SVEP1: variants seen among roughly 807,000 people sequenced by gnomAD.
SVEP1 encodes the protein sushi, von Willebrand factor type A, EGF and pentraxin domain-containing protein 1.
A neutral mutation model predicts 367.3 loss-of-function variants in SVEP1; 164 were observed. The observed-to-expected ratio is 0.45, with a 90% confidence interval of 0.39 to 0.51. SVEP1 has a LOEUF of 0.51. Ranked by LOEUF, SVEP1 falls within the 20% of genes least tolerant of loss-of-function variation. The pLI is 0.00. For synonymous variants in SVEP1, 1,666 were observed against 1,611.6 expected, an observed-to-expected ratio of 1.03 and a Z score of -0.81; for missense variants, 4,117 against 4,425.3, an observed-to-expected ratio of 0.93 and a Z score of 1.98.
Position 110,408,855 on chromosome 9 carries a change from G to A in SVEP1, c.6745C>T (p.Arg2249Cys). 1 of 1,613,576 alleles carries A rather than the reference G, an allele frequency of 6.2e-7. No individual in the cohort carries two copies. The highest frequency in any genetic ancestry group is 8.5e-7 in the Non-Finnish European group (1 of 1,179,868). ...GSPVFVCQAN[R>C]HWHSESPLMC... ...AGAGGGGATTCACTGTGCCAGTGGC[G>A]ATTGGCTTGGCAGACAAATACAGGA... Residue 2249 changes from arginine (R) to cysteine (C), a missense_variant, in exon 38 of 48, where the codon CGC becomes TGC. By Grantham distance (180) the Arg-to-Cys change is radical. Coordinates refer to ENST00000374469, the MANE Select transcript of SVEP1 (RefSeq NM_153366.4).
chr9:110,409,119 T>G (rs977304170), intron 37 of SVEP1, among the ~76,000 whole-genome samples, 168 bp from the exon 38 acceptor site: 1 of 152,228 alleles, frequency 6.6e-6, no homozygotes, highest in Non-Finnish European at 1.5e-5. Context: ...TCTATTTTTT[T>G]AAATAAGTGA....
chr9:110,551,145 A>T (rs1487563926), intron 1 of SVEP1, among the ~76,000 whole-genome samples: 2 of 152,250 alleles, frequency 1.3e-5, no homozygotes, highest in Non-Finnish European at 2.9e-5. Context: ...AGGCAGGAAG[A>T]GTGACAACTG....
chr9:110,432,734 T>C, intron 30 of SVEP1, 99 bp from the exon 31 acceptor site: 1 of 1,378,864 alleles, frequency 7.3e-7, no homozygotes, highest in Non-Finnish European at 9.8e-7. Flanking sequence ...GCATGACATT[T>C]TTACTGAATG....
At chr9:110,426,987 C>CA (rs1177088674) in intron 36 of SVEP1, among the ~76,000 whole-genome samples, 4 of 152,092 alleles carry the variant, frequency 2.6e-5, no homozygotes. Flanking sequence ...CACGAACGCT[C>CA]ACTTAAAGGT....
chr9:110,384,116 C>A (rs1827484769), intron 43 of SVEP1, among the ~76,000 whole-genome samples: 2 of 152,152 alleles, frequency 1.3e-5, no homozygotes, highest in Admixed American at 6.5e-5. Context: ...GAGTGGCCGC[C>A]AAGAATCTAC....
intron 1 of SVEP1, among the ~76,000 whole-genome samples, chr9:110,562,178 C>A: frequency 6.7e-6 from 1 of 148,700 alleles, no homozygotes; most frequent in South Asian, 2.2e-4. Context: ...CTAATAATGA[C>A]AAATTCCACC....
chr9:110,516,175 T>C (rs983696637), intron 3 of SVEP1, among the ~76,000 whole-genome samples: 1 of 149,206 alleles, frequency 6.7e-6, no homozygotes, highest in African/African-American at 2.4e-5. Context: ...CTAAATCATA[T>C]AATAAACTAA....
chr9:110,430,418 C>T lies in SVEP1; in HGVS notation c.5386G>A (p.Glu1796Lys), dbSNP rs776439453. 1 of 1,612,780 alleles carries T rather than the reference C, an allele frequency of 6.2e-7. No homozygotes were observed. Among genetic ancestry groups the T allele is most frequent in the East Asian group, 2.2e-5 (1 of 44,852 alleles). ...ATCTCACCTGAGGAGTGGCCATTTTCCGGATTTCCTGGAGCCTTACATTTT... is the reference window on the plus strand; with the variant it reads ...ATCTCACCTGAGGAGTGGCCATTTTTCGGATTTCCTGGAGCCTTACATTTT... ...PIKCKAPGNP[E>K]NGHSSGEIYT... Residue 1796 changes from glutamate (E) to lysine (K), a missense_variant, in exon 33 of 48, where the codon GAA becomes AAA. Physicochemically the swap from Glu to Lys is moderately conservative, Grantham distance 56 (BLOSUM62 1). Coordinates refer to ENST00000374469, the MANE Select transcript of SVEP1 (RefSeq NM_153366.4).
chr9:110,578,190 T>C (rs1830647163), intron 1 of SVEP1, among the ~76,000 whole-genome samples: 1 of 152,232 alleles, frequency 6.6e-6, no homozygotes, highest in Non-Finnish European at 1.5e-5. Context: ...CAATAAGTGA[T>C]TGTTGCACGC....
chr9:110,522,336 T>G (rs780639215), intron 3 of SVEP1, among the ~76,000 whole-genome samples: 8 of 152,148 alleles, frequency 5.3e-5, no homozygotes, highest in Non-Finnish European at 1.2e-4. Flanking sequence ...CAATTTAGAA[T>G]GGCATGATTG....
chr9:110,454,546 T>C (rs976929527), intron 22 of SVEP1, among the ~76,000 whole-genome samples: 1 of 152,164 alleles, frequency 6.6e-6, no homozygotes, highest in Non-Finnish European at 1.5e-5. Flanking sequence ...AGCAAAGACA[T>C]GGAATACACC....
Position 110,463,047 on chromosome 9 carries a change from CTTAA to C in SVEP1, c.3322+2814_3322+2817del, listed in dbSNP as rs1190012898. Among the ~76,000 whole-genome samples the C allele has an allele frequency of 1.2e-4, 18 of 152,044 alleles. No individual in the cohort carries two copies. The South Asian group carries it at 3.5e-3, about 30-fold the overall frequency. ...AATATCATAACATCATTTTGTACAC[CTTAA>C]TTATAGATCATTTTAAATAAATAAA... On this transcript the variant is annotated intron_variant, in intron 18 of 47. Coordinates refer to ENST00000374469, the MANE Select transcript of SVEP1 (RefSeq NM_153366.4).
intron 3 of SVEP1, among the ~76,000 whole-genome samples, chr9:110,534,476 G>A (rs1830056814): frequency 6.6e-6 from 1 of 152,140 alleles, no homozygotes; most frequent in Non-Finnish European, 1.5e-5. Flanking sequence ...GAATAGCGCT[G>A]CAATAAACAT....
chr9:110,396,880 C>G (rs1207166722), intron 40 of SVEP1, among the ~76,000 whole-genome samples: 1 of 152,076 alleles, frequency 6.6e-6, no homozygotes, highest in Non-Finnish European at 1.5e-5. Context: ...AAGTCCAGGA[C>G]CAGATGGATT....
At chr9:110,374,214 C>T (rs1209726686) in intron 46 of SVEP1, among the ~76,000 whole-genome samples, 2 of 152,162 alleles carry the variant, frequency 1.3e-5, no homozygotes, top group Admixed American at 1.3e-4. Flanking sequence ...GTGTTCCCAT[C>T]ATTTAGCTCC....
chr9:110,533,911 C>A (rs909629449), intron 3 of SVEP1, among the ~76,000 whole-genome samples: 1 of 152,152 alleles, frequency 6.6e-6, no homozygotes. Context: ...CAAAATATTT[C>A]TGGATCATTT....
rs776990341 is a variant in SVEP1 at position 110,458,516 on chromosome 9, A to C, written c.3531T>G (p.Pro1177=). ...FSAAEESVVP[P]ASLGHIKKRH... is the part of the protein sequence containing the mutation. ...TCTTTTTAATATGTCCAAGAGAGGCAGGGGGCACCACACTTTCCTCTGCCG... is the reference window on the plus strand; with the variant it reads ...TCTTTTTAATATGTCCAAGAGAGGCCGGGGGCACCACACTTTCCTCTGCCG... Residue 1177 remains proline (P), a synonymous_variant, in exon 20 of 48, where the codon CCT becomes CCG. Coordinates refer to ENST00000374469, the MANE Select transcript of SVEP1 (RefSeq NM_153366.4). The C allele has an allele frequency of 6.2e-7, 1 of 1,613,080 alleles. No individual in the cohort carries two copies. The highest frequency in any genetic ancestry group is 8.5e-7 in the Non-Finnish European group (1 of 1,179,608).
chr9:110,496,322 C>CATCT (rs1829446112), intron 8 of SVEP1, among the ~76,000 whole-genome samples: 1 of 152,220 alleles, frequency 6.6e-6, no homozygotes, highest in Admixed American at 6.5e-5. Flanking sequence ...GGGTGGGCAC[C>CATCT]ATCTAATCAG....
At chr9:110,387,551 ATAAAATAT>A in intron 41 of SVEP1, 93 bp from the exon 42 acceptor site, 2 of 1,317,494 alleles carry the variant, frequency 1.5e-6, no homozygotes, top group African/African-American at 3.0e-5. Flanking sequence ...CATGGAATAT[ATAAAATAT>A]TATGGCCTAC....
Sources: gnomAD v4.1 joint callset for allele counts (sites outside exome capture counted in the v4.1 genomes callset) on GRCh38, gnomAD v4.1.1 for gene constraint, MANE v1.5 for transcripts, NCBI Gene and HGNC (gene_info 2026-07-23, HGNC 2026-07-21) for gene names.